Variants in SCN2A observed in about 807,000 individuals in gnomAD.
SCN2A encodes the protein sodium channel protein type 2 subunit alpha.
A neutral mutation model predicts 188.7 loss-of-function variants in SCN2A; 20 were observed. The observed-to-expected ratio is 0.11, with a 90% CI of 0.07 to 0.15. The LOEUF is 0.15. SCN2A is among the 10% of genes least tolerant of loss of function. The pLI, the probability that SCN2A is intolerant of heterozygous loss-of-function variation, is 1.00. For synonymous variants in SCN2A, 804 were observed against 833.1 expected (o/e 0.97, Z 0.60); for missense variants, 1,278 against 2,445.0 (o/e 0.52, Z 10.07).
intron 3 of SCN2A, among the ~76,000 whole-genome samples, chr2:165,299,781 G>C (rs1696704135): frequency 6.6e-6 from 1 of 152,196 alleles, no homozygotes; most frequent in African/African-American, 2.4e-5. Context: ...AATGCTTGGA[G>C]AGATGGTCAT....
intron 1 of SCN2A, chr2:165,274,347 G>A (rs1485319739): frequency 2.0e-5 from 3 of 147,214 alleles, no homozygotes; most frequent in African/African-American, 7.5e-5. Flanking sequence ...CTTATTCTAA[G>A]TAGGGGAGAA....
chr2:165,348,107 G>A (rs112724156), intron 16 of SCN2A, among the ~76,000 whole-genome samples: 2,072 of 152,120 alleles, frequency 0.014, 42 homozygotes, highest in East Asian at 0.048. Flanking sequence ...GCCTGTAATC[G>A]CAGCATTTTG....
chr2:165,317,448 A>C (rs1697820826), intron 11 of SCN2A, among the ~76,000 whole-genome samples: 1 of 151,962 alleles, frequency 6.6e-6, no homozygotes, highest in South Asian at 2.1e-4. Flanking sequence ...TTTTTACCTA[A>C]GTTTGTCTGA....
intron 1 of SCN2A, chr2:165,285,817 C>T (rs906506685): frequency 1.8e-5 from 3 of 167,360 alleles, no homozygotes; most frequent in Non-Finnish European, 3.9e-5. Context: ...AGTAGGAGTG[C>T]TGCAGGGTCA....
At chr2:165,265,838 A>G (rs933737808) in intron 1 of SCN2A, among the ~76,000 whole-genome samples, 5 of 146,820 alleles carry the variant, frequency 3.4e-5, no homozygotes, top group Middle Eastern at 3.2e-3. Flanking sequence ...TTTTTCTCTT[A>G]ATATATGGGG....
chr2:165,297,231 T>C (rs1340892237), intron 3 of SCN2A, 96 bp downstream of exon 3: 2 of 751,612 alleles, frequency 2.7e-6, no homozygotes, highest in East Asian at 5.1e-5. Flanking sequence ...GGCAATGTTA[T>C]GTGTTCTTTC....
rs77348577 is a variant in SCN2A, at chr2:165,386,044, A to G, written c.4552-702A>G. Among the ~76,000 whole-genome samples the G allele has an allele frequency of 3.9e-3, 590 of 152,322 alleles. 6 individuals are homozygous for G. In the East Asian group the frequency reaches 0.049, roughly 13 times the overall value. On this transcript the variant is annotated intron_variant, in intron 25 of 26. Coordinates refer to ENST00000375437, the MANE Select transcript of SCN2A (RefSeq NM_001040142.2). ...ACATTTGAATACAGTTGAATATACAATATACAAAATTTTCTTCCAAGTATA... is the reference window on the plus strand; with the variant it reads ...ACATTTGAATACAGTTGAATATACAGTATACAAAATTTTCTTCCAAGTATA...
At chr2:165,358,165 T>C (rs1228231341) in intron 17 of SCN2A, among the ~76,000 whole-genome samples, 2 of 152,186 alleles carry the variant, frequency 1.3e-5, no homozygotes, top group Non-Finnish European at 2.9e-5. Flanking sequence ...GTTTTGAACA[T>C]ATTAGGAGCC....
rs751130236 is a variant in SCN2A at position 165,331,542 on chromosome 2, A to G, written c.2362A>G (p.Ser788Gly). 1 of 1,613,578 alleles carries G rather than the reference A, an allele frequency of 6.2e-7. No homozygotes were observed. Among genetic ancestry groups the G allele is most frequent in the Admixed American group, 1.7e-5 (1 of 59,912 alleles). Residue 788 changes from serine (S) to glycine (G), a missense_variant, in exon 14 of 27, where the codon AGC (serine) becomes GGC (glycine). By Grantham distance (56) the Ser-to-Gly change is moderately conservative. This residue lies in a region of SCN2A where 83 missense variants were observed against 256.8 expected (regional missense o/e 0.32). Coordinates refer to ENST00000375437, the MANE Select transcript of SCN2A (RefSeq NM_001040142.2). ...MEHYPMTEQFSSVLSVGNLVF... is the reference protein window; with the variant it reads ...MEHYPMTEQFGSVLSVGNLVF... ...GCACTATCCCATGACGGAGCAGTTC[A>G]GCAGTGTACTGTCTGTTGGAAACCT...
At position 165,297,150 on chromosome 2, in the gene SCN2A, A is replaced by G; in HGVS notation, c.386+15A>G. 1 of 1,384,466 alleles carries G rather than the reference A, an allele frequency of 7.2e-7. No homozygotes were observed. The highest frequency in any genetic ancestry group is 1.0e-6 in the Non-Finnish European group (1 of 971,852). The allele number at this position is 1,384,466 out of a possible 1,614,324, so 85.8% of individuals were successfully genotyped here. On this transcript the variant is annotated intron_variant, in intron 3 of 26. Transcript: ENST00000375437. ...TTGGTACATTCATATCCTTTTTCAA[A>G]TCGTCACTTAATATGATTTTCTTCT...
Position 165,323,449 on chromosome 2 carries a change from C to T in SCN2A, c.1965C>T (p.Ser655=), listed in dbSNP as rs914170392. The change falls in exon 12 of 27, where the codon TCC becomes TCT. Residue 655 remains serine, a synonymous_variant. Transcript: ENST00000375437. ...CTGTGGACTGCAATGGTGTGGTCTCCCTGGTCGGGGGCCCTTCTACCCTCA... is the reference window on the plus strand; with the variant it reads ...CTGTGGACTGCAATGGTGTGGTCTCTCTGGTCGGGGGCCCTTCTACCCTCA... ...HSAVDCNGVV[S]LVGGPSTLTS... is the part of the protein sequence containing the mutation. The T allele has an allele frequency of 6.2e-7, 1 of 1,613,814 alleles. No homozygotes were observed. Among genetic ancestry groups the T allele is most frequent in the Non-Finnish European group, 8.5e-7 (1 of 1,179,870 alleles).
chr2:165,381,007 G>T, intron 24 of SCN2A, 86 bp from the exon 25 acceptor site: 1 of 903,166 alleles, frequency 1.1e-6, no homozygotes, highest in South Asian at 1.5e-5. Flanking sequence ...ATGAAATGTG[G>T]GAGCCAATTT....
At chr2:165,350,667 T>C (rs1196763787) in intron 16 of SCN2A, among the ~76,000 whole-genome samples, 2 of 140,376 alleles carry the variant, frequency 1.4e-5, no homozygotes, top group African/African-American at 5.5e-5. Context: ...AGAGACGGGG[T>C]TTCACCGTTT....
intron 23 of SCN2A, among the ~76,000 whole-genome samples, chr2:165,379,691 T>G (rs1225645637): frequency 6.6e-6 from 1 of 151,826 alleles, no homozygotes; most frequent in African/African-American, 2.4e-5. Context: ...AATAGCAGTT[T>G]TACAATATTC....
intron 17 of SCN2A, among the ~76,000 whole-genome samples, chr2:165,363,547 G>C (rs994995318): frequency 6.6e-6 from 1 of 151,444 alleles, no homozygotes; most frequent in East Asian, 1.9e-4. Flanking sequence ...AAAATGAGAA[G>C]ATTTTTAAGT....
At chr2:165,288,763 T>C (rs1335473418) in intron 1 of SCN2A, among the ~76,000 whole-genome samples, 1 of 151,982 alleles carries the variant, frequency 6.6e-6, no homozygotes, top group Non-Finnish European at 1.5e-5. Context: ...TGTACATATG[T>C]GTGTGTATAT....
chr2:165,291,494 T>A (rs13021043), intron 1 of SCN2A, among the ~76,000 whole-genome samples: 2 of 36,644 alleles, frequency 5.5e-5, no homozygotes, highest in African/African-American at 2.0e-4. Context: ...TTCTTTCTTT[T>A]CTTTCTTTCT....
chr2:165,354,529 T>G lies in SCN2A; in HGVS notation c.3257T>G (p.Val1086Gly). Residue 1086 changes from valine (V) to glycine (G), a missense_variant, in exon 17 of 27, where the codon GTC becomes GGC. Transcript: ENST00000375437. Reference protein sequence around the residue: ...SGIGSSVEKYVVDESDYMSFI... With the variant: ...SGIGSSVEKYGVDESDYMSFI... The stretch of plus-strand genomic sequence containing the variant: ...ATAGGCAGCAGTGTAGAAAAATATG[T>G]CGTGGATGAAAGTGATTACATGTCA... 6.2e-7 allele frequency: 1 copy of G among 1,614,102 alleles called. No homozygotes were observed. Among genetic ancestry groups the G allele is most frequent in the Non-Finnish European group, 8.5e-7 (1 of 1,179,998 alleles).
At chr2:165,387,573 G>T (rs926914539) in intron 26 of SCN2A, among the ~76,000 whole-genome samples, 5 of 151,938 alleles carry the variant, frequency 3.3e-5, no homozygotes, top group African/African-American at 1.2e-4. Flanking sequence ...AAACAGATTT[G>T]TTATCATCAA....
Sources: gnomAD v4.1 joint callset for allele counts (sites outside exome capture counted in the v4.1 genomes callset) on GRCh38, gnomAD v4.1.1 for gene constraint, gnomAD v4.1.1 regional missense constraint, MANE v1.5 for transcripts, NCBI Gene and HGNC (gene_info 2026-07-23, HGNC 2026-07-21) for gene names.